NRCAM: variants seen among roughly 807,000 people sequenced by gnomAD.
NRCAM encodes NgCAM-related cell adhesion molecule.
A neutral mutation model predicts 156.5 loss-of-function variants in NRCAM; 83 were observed. The observed-to-expected ratio is 0.53, with a 90% confidence interval of 0.44 to 0.64. The LOEUF (loss-of-function observed/expected upper bound fraction) is 0.64, where lower values mean the gene tolerates loss of function less well. Among genes scored for constraint, NRCAM ranks in the 30% least tolerant of loss-of-function variants. The pLI is 0.00. For missense variants in NRCAM, 1,417 were observed against 1,597.3 expected (o/e 0.89, Z 1.92); for synonymous variants, 538 against 563.9 (o/e 0.95, Z 0.65).
intron 14 of NRCAM, among the ~76,000 whole-genome samples, chr7:108,197,546 A>T (rs382932): frequency 0.69 from 105,334 of 152,094 alleles, 38,217 homozygotes; most frequent in East Asian, 0.87. Flanking sequence ...CATCTGTGAC[A>T]TGGATAAAGG....
intron 5 of NRCAM, among the ~76,000 whole-genome samples, chr7:108,236,762 A>G (rs2095060057): frequency 6.6e-6 from 1 of 151,896 alleles, no homozygotes; most frequent in South Asian, 2.1e-4. Context: ...AGGCTCTGGG[A>G]GTATATAGAA....
At chr7:108,334,208 T>C (rs1333021617) in intron 2 of NRCAM, among the ~76,000 whole-genome samples, 3 of 152,208 alleles carry the variant, frequency 2.0e-5, no homozygotes, top group African/African-American at 7.2e-5. Flanking sequence ...ATGGTTGCAT[T>C]GTTATTTCTA....
rs370808042 is a variant in NRCAM, at chr7:108,234,699, G to GAA, written c.125-13_125-12dup. ...TTGGAGGCTGTACCACTTAATTGTA[G>GAA]AAAAAAAAAAATGTAAAAAAACAAA... On this transcript the variant is annotated splice_polypyrimidine_tract_variant and intron_variant, in intron 5 of 32. Coordinates refer to ENST00000379028, the MANE Select transcript of NRCAM (RefSeq NM_001037132.4). 220 of 1,165,772 alleles carry GAA rather than the reference G, an allele frequency of 1.9e-4. No individual in the cohort carries two copies. The highest frequency in any genetic ancestry group is 1.2e-3 in the African/African-American group (76 of 63,946). 72.2% of individuals were successfully genotyped at this position (1,165,772 alleles called of 1,614,324 possible).
At chr7:108,357,481 C>T (rs1004561002) in intron 2 of NRCAM, among the ~76,000 whole-genome samples, 1 of 152,054 alleles carries the variant, frequency 6.6e-6, no homozygotes, top group African/African-American at 2.4e-5. Context: ...CAGGTGCCTG[C>T]CACCACGACT....
intron 2 of NRCAM, among the ~76,000 whole-genome samples, chr7:108,388,764 A>G (rs1455864870): frequency 1.3e-5 from 2 of 152,222 alleles, no homozygotes; most frequent in South Asian, 4.1e-4. Context: ...ATTCAGTTTC[A>G]GCTTTCCACA....
At chr7:108,243,442 C>T (rs2095674635) in intron 3 of NRCAM, among the ~76,000 whole-genome samples, 1 of 152,168 alleles carries the variant, frequency 6.6e-6, no homozygotes, top group Non-Finnish European at 1.5e-5. Context: ...AATTCTTTGA[C>T]TCAGTAGGAG....
At chr7:108,257,575 A>C (rs2096732334) in intron 3 of NRCAM, among the ~76,000 whole-genome samples, 1 of 152,212 alleles carries the variant, frequency 6.6e-6, no homozygotes, top group South Asian at 2.1e-4. Flanking sequence ...TGTATTATTG[A>C]AAGAGTGGTT....
Position 108,155,101 on chromosome 7 carries a change from TACACACACAC to T in NRCAM, c.3677+4352_3677+4361del, listed in dbSNP as rs58111040. Among the ~76,000 whole-genome samples the T allele has an allele frequency of 2.8e-4, 35 of 123,092 alleles. 1 individual carries two copies. The highest frequency in any genetic ancestry group is 1.3e-3 in the South Asian group (5 of 3,796). The allele number at this position is 123,092 out of a possible 152,430, so 80.8% of individuals were successfully genotyped here. ...GATTTAAAAGTCATATATATATATA[TACACACACAC>T]ACACACACACACACACACACACACA... On this transcript the variant is annotated intron_variant, in intron 32 of 32. Transcript: ENST00000379028.
chr7:108,325,401 A>G (rs189549358), intron 2 of NRCAM, among the ~76,000 whole-genome samples: 2 of 152,160 alleles, frequency 1.3e-5, no homozygotes, highest in Non-Finnish European at 2.9e-5. Context: ...TGGGCAACTC[A>G]TTAGGAAAAA....
At chr7:108,347,145 C>T (rs920794663) in intron 2 of NRCAM, among the ~76,000 whole-genome samples, 2 of 148,708 alleles carry the variant, frequency 1.3e-5, no homozygotes, top group South Asian at 4.3e-4. Flanking sequence ...TCATGCCACT[C>T]TCCTGCCTCA....
At chr7:108,452,970 G>A (rs1377513555) in intron 1 of NRCAM, among the ~76,000 whole-genome samples, 1 of 152,172 alleles carries the variant, frequency 6.6e-6, no homozygotes, top group Non-Finnish European at 1.5e-5. Context: ...CTGAGTGCTA[G>A]TTAAGTCAAT....
intron 2 of NRCAM, among the ~76,000 whole-genome samples, chr7:108,329,667 T>G (rs1255733388): frequency 6.6e-6 from 1 of 152,198 alleles, no homozygotes; most frequent in Admixed American, 6.5e-5. Flanking sequence ...AAAGACCTGC[T>G]TAGAATAATG....
chr7:108,221,160 C>T (rs2092119862), intron 11 of NRCAM, among the ~76,000 whole-genome samples: 1 of 152,168 alleles, frequency 6.6e-6, no homozygotes, highest in Non-Finnish European at 1.5e-5. Flanking sequence ...CCACCTTACT[C>T]CTGCAAGAAT....
intron 2 of NRCAM, among the ~76,000 whole-genome samples, chr7:108,344,879 A>G (rs1470219272): frequency 6.6e-6 from 1 of 152,182 alleles, no homozygotes; most frequent in African/African-American, 2.4e-5. Flanking sequence ...AAACAAAAAT[A>G]CATTTTAGAA....
chr7:108,248,031 C>T (rs1415917385), intron 3 of NRCAM, among the ~76,000 whole-genome samples: 1 of 152,220 alleles, frequency 6.6e-6, no homozygotes, highest in Non-Finnish European at 1.5e-5. Context: ...GAATATGGGT[C>T]TTCAGAGCAA....
chr7:108,258,201 C>T (rs1385098504), intron 3 of NRCAM, among the ~76,000 whole-genome samples: 3 of 152,190 alleles, frequency 2.0e-5, no homozygotes, highest in African/African-American at 7.2e-5. Flanking sequence ...CCGAAACATG[C>T]TCCAGGTTGT....
chr7:108,305,093 G>C (rs570377818), intron 3 of NRCAM, among the ~76,000 whole-genome samples: 1 of 152,060 alleles, frequency 6.6e-6, no homozygotes, highest in African/African-American at 2.4e-5. Context: ...AAAATTTAGG[G>C]TATGTTTTCC....
At chr7:108,189,769 T>A (rs1563343617) in intron 19 of NRCAM, 23 bp from the exon 20 acceptor site, 1 of 873,816 alleles carries the variant, frequency 1.1e-6, no homozygotes, top group Admixed American at 1.9e-5. Context: ...CATACACACA[T>A]CATGGTCACG....
intron 30 of NRCAM, among the ~76,000 whole-genome samples, chr7:108,164,608 G>T (rs1007228267): frequency 6.6e-6 from 1 of 151,800 alleles, no homozygotes; most frequent in Non-Finnish European, 1.5e-5. Context: ...AGTGGAAGAC[G>T]GTGCTTTCAC....
Sources: gnomAD v4.1 joint callset for allele counts (sites outside exome capture counted in the v4.1 genomes callset) on GRCh38, gnomAD v4.1.1 for gene constraint, MANE v1.5 for transcripts, NCBI Gene and HGNC (gene_info 2026-07-23, HGNC 2026-07-21) for gene names.